Variants in AKAP12 observed in about 807,000 individuals in gnomAD.
AKAP12 encodes A-kinase anchor protein 12.
A neutral mutation model predicts 79.9 loss-of-function variants in AKAP12; 32 were observed. That is an observed-to-expected ratio of 0.40 (90% confidence interval 0.30 to 0.54). The LOEUF (loss-of-function observed/expected upper bound fraction) is 0.54. AKAP12 is among the 20% of genes least tolerant of loss of function. The probability of loss-of-function intolerance (pLI) is 0.48; values close to 1 mark genes in which losing one functional copy is unlikely to be tolerated. For synonymous variants in AKAP12, 808 were observed against 857.0 expected (o/e 0.94, Z 1.00); for missense variants, 2,074 against 2,177.0 (o/e 0.95, Z 0.94).
At chr6:151,304,618 G>A (rs575326929) in intron 2 of AKAP12, among the ~76,000 whole-genome samples, 8 of 150,318 alleles carry the variant, frequency 5.3e-5, no homozygotes, top group African/African-American at 2.0e-4. Flanking sequence ...AGGCTGGAGT[G>A]CTGTGGCTCA....
At chr6:151,341,575 G>A (rs1339417366) in intron 3 of AKAP12, 3 of 474,188 alleles carry the variant, frequency 6.3e-6, no homozygotes, top group African/African-American at 2.2e-5. Context: ...CCGGGCCCAG[G>A]CTTTCGCGAG....
At chr6:151,275,005 G>C (rs1279655979) in intron 2 of AKAP12, among the ~76,000 whole-genome samples, 1 of 152,178 alleles carries the variant, frequency 6.6e-6, no homozygotes, top group Admixed American at 6.5e-5. Flanking sequence ...TTGGGAGGCT[G>C]AGGCGGGAGG....
At chr6:151,346,020 A>G (rs1449162690) in intron 3 of AKAP12, among the ~76,000 whole-genome samples, 1 of 151,430 alleles carries the variant, frequency 6.6e-6, no homozygotes, top group African/African-American at 2.4e-5. Flanking sequence ...ACTGTTTGGT[A>G]ACCTGCTTTT....
intron 2 of AKAP12, among the ~76,000 whole-genome samples, chr6:151,271,240 C>G (rs1270077015): frequency 6.6e-6 from 1 of 152,076 alleles, no homozygotes; most frequent in African/African-American, 2.4e-5. Flanking sequence ...AGACACTTCA[C>G]TCCCAGATAG....
chr6:151,325,915 TC>T, intron 3 of AKAP12: 1 of 1,614,130 alleles, frequency 6.2e-7, no homozygotes, highest in Non-Finnish European at 8.5e-7. Flanking sequence ...GCTTTTGTCC[TC>T]CCTGGACGGC....
rs750783869 is a variant in AKAP12 at position 151,352,212 on chromosome 6, A to G, written c.3821A>G (p.Lys1274Arg). 9 of 1,614,236 alleles carry G rather than the reference A, an allele frequency of 5.6e-6. No individual in the cohort carries two copies. The highest frequency in any genetic ancestry group is 1.7e-5 in the Admixed American group (1 of 60,036). ...GAGGCTGACCAGTATGCTGATGAGA[A>G]AACCAAAGACGTACCATTTTTCGAA... is the stretch of plus-strand genomic sequence containing the variant. ...TQEADQYADE[K>R]TKDVPFFEGL... Residue 1274 changes from lysine (K) to arginine (R), a missense_variant, in exon 4 of 5, where the codon AAA becomes AGA. Transcript: ENST00000402676.
At chr6:151,274,141 G>C (rs1342427671) in intron 2 of AKAP12, among the ~76,000 whole-genome samples, 2 of 150,576 alleles carry the variant, frequency 1.3e-5, no homozygotes, top group South Asian at 2.2e-4. Flanking sequence ...GCGCAATCTC[G>C]GCTCACTGCA....
At chr6:151,334,410 A>G (rs915478685) in intron 3 of AKAP12, among the ~76,000 whole-genome samples, 9 of 151,924 alleles carry the variant, frequency 5.9e-5, no homozygotes, top group Admixed American at 5.2e-4. Context: ...CCTGGCCAAC[A>G]TGGCTAAACC....
intron 3 of AKAP12, among the ~76,000 whole-genome samples, chr6:151,317,699 C>T (rs187699235): frequency 2.8e-3 from 428 of 152,182 alleles, no homozygotes; most frequent in Admixed American, 5.0e-3. Flanking sequence ...TAAGGGAATC[C>T]CTTACCTCAA....
chr6:151,249,444 T>G (rs1562705676), intron 2 of AKAP12, among the ~76,000 whole-genome samples: 1 of 152,204 alleles, frequency 6.6e-6, no homozygotes, highest in Non-Finnish European at 1.5e-5. Flanking sequence ...CCTCCCAAAG[T>G]GCTGGGTTAC....
chr6:151,306,460 C>T (rs536406239), intron 3 of AKAP12, among the ~76,000 whole-genome samples: 18 of 152,166 alleles, frequency 1.2e-4, no homozygotes, highest in African/African-American at 3.6e-4. Context: ...AGCATGTGGC[C>T]CAGTAAGTCT....
At chr6:151,316,899 A>G (rs1023337454) in intron 3 of AKAP12, among the ~76,000 whole-genome samples, 3 of 152,104 alleles carry the variant, frequency 2.0e-5, no homozygotes, top group Non-Finnish European at 1.5e-5. Context: ...TGGCCTCTCA[A>G]AGTGCTGGGA....
intron 2 of AKAP12, among the ~76,000 whole-genome samples, chr6:151,289,331 G>A (rs1310694064): frequency 2.6e-5 from 4 of 152,144 alleles, no homozygotes; most frequent in African/African-American, 7.2e-5. Flanking sequence ...ACCATACTTG[G>A]ATAGACTGTG....
Position 151,350,777 on chromosome 6 carries a change from A to G in AKAP12, c.2386A>G (p.Thr796Ala), listed in dbSNP as rs1414348823. Residue 796 changes from threonine to alanine, a missense_variant, in exon 4 of 5, where the codon ACT becomes GCT. By Grantham distance (58) the Thr-to-Ala change is moderately conservative. Around this residue, in one of 3 missense-constraint regions of AKAP12, gnomAD observed 1,428 missense variants for 1,451.0 expected, o/e 0.98. Coordinates refer to ENST00000402676, the MANE Select transcript of AKAP12 (RefSeq NM_005100.4). The surrounding 1 kb of genome is among the most constrained non-coding windows in gnomAD (Gnocchi z 4.8). ...GSGVEHSTPD[T>A]EPGKEESWVS... The stretch of plus-strand genomic sequence containing the variant: ...TGGTGTAGAACATTCCACTCCAGAC[A>G]CTGAACCCGGTAAAGAAGAATCCTG... 3.7e-6 allele frequency: 6 copies of G among 1,614,000 alleles called. No individual in the cohort carries two copies. The highest frequency in any genetic ancestry group is 5.1e-6 in the Non-Finnish European group (6 of 1,179,984).
At chr6:151,290,974 G>GTCCTTCTAGGTTC (rs1232128634) in intron 2 of AKAP12, among the ~76,000 whole-genome samples, 4 of 152,254 alleles carry the variant, frequency 2.6e-5, no homozygotes, top group African/African-American at 9.6e-5. Flanking sequence ...TCAGAAGTTA[G>GTCCTTCTAGGTTC]TCCTTCTAGG....
chr6:151,338,924 C>A (rs1777881176), intron 3 of AKAP12, among the ~76,000 whole-genome samples: 1 of 152,176 alleles, frequency 6.6e-6, no homozygotes, highest in Non-Finnish European at 1.5e-5. Flanking sequence ...TGTAAATATC[C>A]TCTCCTCTCC....
chr6:151,311,679 C>T (rs1343381126), intron 3 of AKAP12, among the ~76,000 whole-genome samples: 1 of 152,194 alleles, frequency 6.6e-6, no homozygotes, highest in Non-Finnish European at 1.5e-5. Context: ...TAGAGAATTT[C>T]ATTTTTCTAA....
Position 151,259,470 on chromosome 6 carries a change from G to GTATA in AKAP12, c.162+18757_162+18760dup, listed in dbSNP as rs549086594. ...TATATATATACACACATATATACATGTATATATATATATACACACACATAT... is the reference window on the plus strand; with the variant it reads ...TATATATATACACACATATATACATGTATATATATATATATATACACACACATAT... On this transcript the variant is annotated intron_variant, in intron 2 of 4. Transcript: ENST00000402676. 1.8e-3 allele frequency among the ~76,000 whole-genome samples: 171 copies of GTATA among 93,274 alleles called. 1 individual carries two copies. The highest frequency in any genetic ancestry group is 6.1e-3 in the African/African-American group (150 of 24,762). 61.2% of individuals were successfully genotyped at this position (93,274 alleles called of 152,430 possible).
intron 2 of AKAP12, among the ~76,000 whole-genome samples, chr6:151,302,069 T>C (rs1280938465): frequency 2.0e-5 from 3 of 150,892 alleles, no homozygotes; most frequent in Admixed American, 1.3e-4. Flanking sequence ...CAGGCTGGAG[T>C]GCGTGATCTC....
Sources: allele counts gnomAD v4.1 joint callset (sites outside exome capture counted in the v4.1 genomes callset), GRCh38; gene constraint gnomAD v4.1.1; regional missense constraint gnomAD v4.1.1; non-coding constraint Gnocchi (gnomAD v3.1); transcripts MANE v1.5; gene names NCBI Gene and HGNC (gene_info 2026-07-23, HGNC 2026-07-21).